The following GREB1L variants were observed in gnomAD, a reference collection of about 807,000 sequenced individuals.
The protein encoded by GREB1L is GREB1-like protein.
GREB1L carries 17 observed loss-of-function variants against 200.8 expected under a neutral mutation model. The observed-to-expected ratio is 0.08, with a 90% CI of 0.06 to 0.13. The LOEUF is 0.13. Ranked by LOEUF, GREB1L falls within the 10% of genes least tolerant of loss-of-function variation. The pLI is 1.00. For missense variants in GREB1L, 1,657 were observed against 2,367.7 expected, an observed-to-expected ratio of 0.70 and a Z score of 6.23; for synonymous variants, 789 against 893.0, an observed-to-expected ratio of 0.88 and a Z score of 2.08.
chr18:21,401,033 C>T, intron 5 of GREB1L, 117 bp from the exon 6 acceptor site: 1 of 783,182 alleles, frequency 1.3e-6, no homozygotes, highest in Non-Finnish European at 2.0e-6. Context: ...TGAATTATTT[C>T]CTTGAGATTG....
chr18:21,326,235 A>G (rs1366614805), intron 1 of GREB1L, among the ~76,000 whole-genome samples: 1 of 152,140 alleles, frequency 6.6e-6, no homozygotes, highest in African/African-American at 2.4e-5. Context: ...GCGAGAAATT[A>G]CACACACACA....
rs180756876 is a variant in GREB1L at position 21,419,237 on chromosome 18, G to A, written c.832+15243G>A. 1.8e-4 allele frequency among the ~76,000 whole-genome samples: 27 copies of A among 152,240 alleles called. No homozygotes were observed. The East Asian group carries it at 2.1e-3, about 12-fold the overall frequency. ...AAATTGCCTAATGACACATTTCTTA[G>A]AGCATATTTCTGTCACTAAGCAAAC... On this transcript the variant is annotated intron_variant, in intron 7 of 32. Coordinates refer to ENST00000424526, the MANE Select transcript of GREB1L (RefSeq NM_001142966.3).
intron 1 of GREB1L, among the ~76,000 whole-genome samples, chr18:21,357,486 T>G (rs544822172): frequency 6.6e-6 from 1 of 152,376 alleles, no homozygotes; most frequent in South Asian, 2.1e-4. Flanking sequence ...TTTAATTTGA[T>G]GCAATCTCAT....
rs2041166666 is a variant in GREB1L, at chr18:21,398,196, T to C, written c.532+2635T>C. On this transcript the variant is annotated intron_variant, in intron 5 of 32. Transcript: ENST00000424526. ...GAGTGAGACCAAAGACCATGTGCTT[T>C]AGAATCAGAACTGTGTTCTAATCCC... Among the ~76,000 whole-genome samples, 5 of 152,196 alleles carry C rather than the reference T, an allele frequency of 3.3e-5. No homozygotes were observed. The South Asian group carries it at 1.0e-3, about 32-fold the overall frequency.
intron 27 of GREB1L, among the ~76,000 whole-genome samples, chr18:21,511,705 G>C (rs2037244030): frequency 6.6e-6 from 1 of 152,122 alleles, no homozygotes; most frequent in African/African-American, 2.4e-5. Context: ...AGTGTGCAGT[G>C]GTACGACCAT....
chr18:21,249,456 A>G (rs2037663324), intron 1 of GREB1L, among the ~76,000 whole-genome samples: 1 of 152,206 alleles, frequency 6.6e-6, no homozygotes, highest in African/African-American at 2.4e-5. Context: ...TCTGCCTTCT[A>G]TCACTGAATT....
chr18:21,521,480 G>A (rs757394352), intron 32 of GREB1L, among the ~76,000 whole-genome samples: 11 of 152,086 alleles, frequency 7.2e-5, no homozygotes, highest in East Asian at 1.9e-4. Flanking sequence ...GGTTCAGAAC[G>A]CTGTGCAGCA....
intron 7 of GREB1L, among the ~76,000 whole-genome samples, chr18:21,411,795 C>T (rs2031047428): frequency 6.6e-6 from 1 of 151,722 alleles, no homozygotes; most frequent in Admixed American, 6.6e-5. Flanking sequence ...CCTGTAATCC[C>T]AGCACTTTGG....
In GREB1L at chr18:21,259,770, G is replaced by T. The variant is rs570104200; in HGVS notation, c.-120+17377G>T. ...TATTATAAAATTTGAAATGGTATTGGTGATGTTAAGAAAATCATGGTATGA... is the reference window on the plus strand; with the variant it reads ...TATTATAAAATTTGAAATGGTATTGTTGATGTTAAGAAAATCATGGTATGA... On this transcript the variant is annotated intron_variant, in intron 1 of 32. Transcript: ENST00000424526. Among the ~76,000 whole-genome samples the T allele has an allele frequency of 2.6e-5, 4 of 152,084 alleles. No homozygotes were observed. In the South Asian group the frequency reaches 8.3e-4, roughly 32 times the overall value.
At chr18:21,434,531 G>GTGTGTGTGTA in intron 7 of GREB1L, among the ~76,000 whole-genome samples, 1 of 107,852 alleles carries the variant, frequency 9.3e-6, no homozygotes, top group African/African-American at 3.4e-5. Context: ...GTGTGTGTGT[G>GTGTGTGTGTA]TATATATATG....
intron 11 of GREB1L, among the ~76,000 whole-genome samples, chr18:21,447,092 T>C (rs1419184517): frequency 3.3e-5 from 5 of 152,094 alleles, no homozygotes; most frequent in Non-Finnish European, 7.4e-5. Context: ...CTTGCGAAAG[T>C]GGAGAAAAGA....
At chr18:21,419,116 G>A (rs991833480) in intron 7 of GREB1L, among the ~76,000 whole-genome samples, 1 of 152,116 alleles carries the variant, frequency 6.6e-6, no homozygotes, top group African/African-American at 2.4e-5. Context: ...TTTTGCTGTA[G>A]CTTTGGGGCA....
intron 19 of GREB1L, among the ~76,000 whole-genome samples, chr18:21,490,760 C>T (rs1487202922): frequency 6.6e-6 from 1 of 152,168 alleles, no homozygotes; most frequent in African/African-American, 2.4e-5. Context: ...CTTTTCTGTT[C>T]ATCTAGCCTC....
intron 1 of GREB1L, among the ~76,000 whole-genome samples, chr18:21,287,067 C>A (rs987853315): frequency 6.6e-6 from 1 of 152,134 alleles, no homozygotes; most frequent in Non-Finnish European, 1.5e-5. Context: ...AGTATTTCAC[C>A]TAGCCTGCTT....
At chr18:21,365,309 TA>T (rs2039653008) in intron 1 of GREB1L, among the ~76,000 whole-genome samples, 1 of 152,176 alleles carries the variant, frequency 6.6e-6, no homozygotes, top group African/African-American at 2.4e-5. Flanking sequence ...ATGTTATCTA[TA>T]AAAATCAATG....
intron 19 of GREB1L, among the ~76,000 whole-genome samples, chr18:21,491,911 T>G (rs2036352931): frequency 6.6e-6 from 1 of 152,066 alleles, no homozygotes; most frequent in Non-Finnish European, 1.5e-5. Flanking sequence ...TAGATACACG[T>G]TCACAATTTT....
intron 1 of GREB1L, among the ~76,000 whole-genome samples, chr18:21,276,189 C>T (rs1293342488): frequency 6.6e-6 from 1 of 152,182 alleles, no homozygotes; most frequent in Non-Finnish European, 1.5e-5. Context: ...CTCAATCGAC[C>T]AGTCTTTCTA....
chr18:21,318,384 TTTTC>T (rs1165463665), intron 1 of GREB1L, among the ~76,000 whole-genome samples: 1 of 152,164 alleles, frequency 6.6e-6, no homozygotes, highest in East Asian at 1.9e-4. Context: ...CGGATTTTGT[TTTTC>T]TTTTCCTCCC....
rs2036719817 is a variant in GREB1L at position 21,500,109 on chromosome 18, C to T, written c.3772C>T (p.Pro1258Ser). Residue 1258 changes from proline to serine, a missense_variant, in exon 22 of 33, where the codon CCC becomes TCC. Around this residue, in one of 9 missense-constraint regions of GREB1L, gnomAD observed 512 missense variants for 668.3 expected, o/e 0.77. Transcript: ENST00000424526. ...GCTGCCATCCTCCTCCTCCCTGCTG[C>T]CCCACGCCGACGTGGCCTGGGTGAG... is the stretch of plus-strand genomic sequence containing the variant. ...GKLPSSSSLL[P>S]HADVAWVSSL... is the part of the protein sequence containing the mutation. 1.3e-6 allele frequency: 2 copies of T among 1,551,718 alleles called. No individual in the cohort carries two copies. The highest frequency in any genetic ancestry group is 4.9e-5 in the East Asian group (2 of 40,916).
Sources: gnomAD v4.1 joint callset for allele counts (sites outside exome capture counted in the v4.1 genomes callset) on GRCh38, gnomAD v4.1.1 for gene constraint, gnomAD v4.1.1 regional missense constraint, MANE v1.5 for transcripts, NCBI Gene and HGNC (gene_info 2026-07-23, HGNC 2026-07-21) for gene names.